Variants in RAB3C observed in about 807,000 individuals in gnomAD.
RAB3C encodes the protein RAB3C, member RAS oncogene family, also known as ras-related protein Rab-3C.
In RAB3C, 17 loss-of-function variants were observed where a neutral mutation model predicts 26.4. The observed-to-expected ratio is 0.64, with a 90% CI of 0.44 to 0.97. The LOEUF (loss-of-function observed/expected upper bound fraction) is 0.97, where lower values mean the gene tolerates loss of function less well. RAB3C is among the 50% of genes least tolerant of loss of function. The pLI, the probability that RAB3C is intolerant of heterozygous loss-of-function variation, is 0.00. For missense variants in RAB3C, 242 were observed against 281.9 expected, an observed-to-expected ratio of 0.86 and a Z score of 1.01; for synonymous variants, 91 against 95.9, an observed-to-expected ratio of 0.95 and a Z score of 0.30.
chr5:58,635,273 A>G (rs1484869972), intron 2 of RAB3C, among the ~76,000 whole-genome samples: 1 of 152,250 alleles, frequency 6.6e-6, no homozygotes, highest in Admixed American at 6.5e-5. Flanking sequence ...GATCAAATGC[A>G]TAAGGAAGAC....
intron 1 of RAB3C, among the ~76,000 whole-genome samples, chr5:58,585,930 G>T (rs926651607): frequency 6.6e-6 from 1 of 152,022 alleles, no homozygotes; most frequent in African/African-American, 2.4e-5. Flanking sequence ...ATGGTCATTT[G>T]TATCTTCTCA....
At chr5:58,688,179 G>A (rs1748486371) in intron 2 of RAB3C, among the ~76,000 whole-genome samples, 1 of 152,074 alleles carries the variant, frequency 6.6e-6, no homozygotes, top group Admixed American at 6.6e-5. Flanking sequence ...TCGTAAAGAT[G>A]TTGTTGACTG....
At chr5:58,812,398 C>T (rs552567176) in intron 3 of RAB3C, among the ~76,000 whole-genome samples, 1 of 152,292 alleles carries the variant, frequency 6.6e-6, no homozygotes, top group Admixed American at 6.5e-5. Flanking sequence ...ATCAGATGAT[C>T]TAGGGGTGGA....
intron 3 of RAB3C, among the ~76,000 whole-genome samples, chr5:58,748,378 T>G (rs1741445655): frequency 6.6e-6 from 1 of 152,214 alleles, no homozygotes; most frequent in South Asian, 2.1e-4. Flanking sequence ...ATAAGAACCT[T>G]GGCTCATTTT....
chr5:58,640,298 G>T (rs541845181), intron 2 of RAB3C, among the ~76,000 whole-genome samples: 7 of 152,222 alleles, frequency 4.6e-5, no homozygotes, highest in African/African-American at 1.4e-4. Context: ...CTATATCTCT[G>T]CCAGGAAAAT....
chr5:58,808,808 C>A (rs1251222458), intron 3 of RAB3C, among the ~76,000 whole-genome samples: 1 of 152,182 alleles, frequency 6.6e-6, no homozygotes, highest in Non-Finnish European at 1.5e-5. Flanking sequence ...TATTTAATAA[C>A]ATGTCTAGCC....
chr5:58,770,407 G>T lies in RAB3C; in HGVS notation c.371+44287G>T, dbSNP rs77294501. On this transcript the variant is annotated intron_variant, in intron 3 of 4. Transcript: ENST00000282878. ...CTTGATGCAAGCCTGAGTCCAGTTC[G>T]GGTTTTCCTTGAGATGGCCTACCTC... Among the ~76,000 whole-genome samples the T allele has an allele frequency of 6.7e-3, 1,018 of 152,182 alleles. 13 individuals carry two copies. The highest frequency in any genetic ancestry group is 0.024 in the African/African-American group (976 of 41,526).
chr5:58,738,430 C>T (rs745374871), intron 3 of RAB3C, among the ~76,000 whole-genome samples: 15 of 151,978 alleles, frequency 9.9e-5, no homozygotes, highest in Non-Finnish European at 1.6e-4. Flanking sequence ...TGTGTGCATG[C>T]GTGTAACTCA....
At chr5:58,776,153 TA>T (rs1219864871) in intron 3 of RAB3C, among the ~76,000 whole-genome samples, 2 of 152,076 alleles carry the variant, frequency 1.3e-5, no homozygotes, top group Non-Finnish European at 2.9e-5. Flanking sequence ...CTGGAGCAGA[TA>T]GGTCCAGATT....
chr5:58,736,608 A>G (rs575936031), intron 3 of RAB3C, among the ~76,000 whole-genome samples: 2 of 152,342 alleles, frequency 1.3e-5, no homozygotes, highest in Non-Finnish European at 2.9e-5. Context: ...CAGCCCATTG[A>G]AAACATCTTC....
chr5:58,632,155 A>T (rs200553655), intron 2 of RAB3C, among the ~76,000 whole-genome samples: 1 of 152,236 alleles, frequency 6.6e-6, no homozygotes, highest in African/African-American at 2.4e-5. Context: ...AGAGATTCAC[A>T]TATGAAAGCA....
chr5:58,838,296 C>T (rs1201323747), intron 4 of RAB3C, among the ~76,000 whole-genome samples: 1 of 151,564 alleles, frequency 6.6e-6, no homozygotes, highest in Non-Finnish European at 1.5e-5. Flanking sequence ...AGGAGAATGG[C>T]ATGAACCTGG....
intron 3 of RAB3C, among the ~76,000 whole-genome samples, chr5:58,759,784 G>A (rs79115733): frequency 0.015 from 2,229 of 152,236 alleles, 40 homozygotes; most frequent in African/African-American, 0.049. Flanking sequence ...CTGAAAGCCA[G>A]GTTGACTTGG....
chr5:58,663,180 C>T (rs183644537), intron 2 of RAB3C, among the ~76,000 whole-genome samples: 20 of 149,020 alleles, frequency 1.3e-4, no homozygotes, highest in Admixed American at 9.3e-4. Context: ...GGCATTCCTT[C>T]GCTTCTTTTT....
intron 3 of RAB3C, among the ~76,000 whole-genome samples, chr5:58,819,077 A>G (rs1743281651): frequency 6.6e-6 from 1 of 152,222 alleles, no homozygotes; most frequent in African/African-American, 2.4e-5. Flanking sequence ...ATTAAGCTGG[A>G]TTTGGGAAGA....
chr5:58,592,275 A>C (rs1746149910), intron 1 of RAB3C, among the ~76,000 whole-genome samples: 2 of 152,112 alleles, frequency 1.3e-5, no homozygotes. Flanking sequence ...TGCATATTTA[A>C]CTTATTATAC....
At chr5:58,834,668 C>T (rs916065212) in intron 4 of RAB3C, among the ~76,000 whole-genome samples, 1 of 152,202 alleles carries the variant, frequency 6.6e-6, no homozygotes, top group Admixed American at 6.5e-5. Context: ...TGAGGAGAAG[C>T]ACTGCCACCC....
At chr5:58,821,378 G>A (rs1056004576) in intron 3 of RAB3C, among the ~76,000 whole-genome samples, 1 of 152,180 alleles carries the variant, frequency 6.6e-6, no homozygotes, top group Admixed American at 6.5e-5. Context: ...AAATCTGATC[G>A]GATGTGAGAT....
In RAB3C at chr5:58,680,445, G is replaced by A. The variant is rs533702697; in HGVS notation, c.253-45557G>A. ...TTATATGAAACAAAAACAAAAAATT[G>A]CTCAGCAACTTATTAGGAAAAACAT... On this transcript the variant is annotated intron_variant, in intron 2 of 4. Transcript: ENST00000282878. Among the ~76,000 whole-genome samples, 52 of 152,286 alleles carry A rather than the reference G, an allele frequency of 3.4e-4. 1 individual carries two copies. Among genetic ancestry groups the A allele is most frequent in the African/African-American group, 1.3e-3 (52 of 41,548 alleles).
Sources: allele counts gnomAD v4.1 joint callset (sites outside exome capture counted in the v4.1 genomes callset), GRCh38; gene constraint gnomAD v4.1.1; transcripts MANE v1.5; gene names NCBI Gene and HGNC (gene_info 2026-07-23, HGNC 2026-07-21).